Variants in ALCAM observed in about 807,000 individuals in gnomAD.
ALCAM encodes the protein activated leukocyte cell adhesion molecule.
ALCAM carries 30 observed loss-of-function variants against 70.9 expected under a neutral mutation model. The ratio of observed to expected loss-of-function variants is 0.42; its 90% CI spans 0.32 to 0.57. ALCAM has a LOEUF of 0.57. Among genes scored for constraint, ALCAM ranks in the 20% least tolerant of loss-of-function variants. The pLI, the probability that ALCAM is intolerant of heterozygous loss-of-function variation, is 0.11. For synonymous variants in ALCAM, 249 were observed against 242.5 expected, an observed-to-expected ratio of 1.03 and a Z score of -0.25; for missense variants, 591 against 695.1, an observed-to-expected ratio of 0.85 and a Z score of 1.68.
At chr3:105,517,791 A>G (rs1471266031) in intron 1 of ALCAM, among the ~76,000 whole-genome samples, 2 of 152,136 alleles carry the variant, frequency 1.3e-5, no homozygotes, top group Non-Finnish European at 2.9e-5. Flanking sequence ...GAGAATTCTC[A>G]AAATTCCAGT....
intron 14 of ALCAM, among the ~76,000 whole-genome samples, chr3:105,558,403 C>A (rs763003889): frequency 1.7e-4 from 26 of 152,024 alleles, no homozygotes; most frequent in Non-Finnish European, 2.6e-4. Context: ...ATATAAAATT[C>A]TATTATAGTA....
At chr3:105,431,696 A>G (rs1421980042) in intron 1 of ALCAM, among the ~76,000 whole-genome samples, 2 of 152,068 alleles carry the variant, frequency 1.3e-5, no homozygotes, top group Non-Finnish European at 2.9e-5. Context: ...TGCATTAACT[A>G]TACAAAGGAA....
intron 1 of ALCAM, among the ~76,000 whole-genome samples, chr3:105,505,763 G>A (rs1016035588): frequency 6.6e-6 from 1 of 152,142 alleles, no homozygotes; most frequent in African/African-American, 2.4e-5. Context: ...CAGATGTTTA[G>A]CATATATCTT....
rs1389865358 is a variant in ALCAM at position 105,574,233 on chromosome 3, G to GA, written c.*26-236dup. On this transcript the variant is annotated intron_variant, in intron 15 of 15. Transcript: ENST00000306107. The stretch of plus-strand genomic sequence containing the variant: ...GAGAAATGCAATGAAATATTTTCTT[G>GA]AAAAAAAACTTGTAATATTAGTATT... Among the ~76,000 whole-genome samples, 18 of 151,484 alleles carry GA rather than the reference G, an allele frequency of 1.2e-4. No individual in the cohort carries two copies. In the East Asian group the frequency reaches 2.9e-3, roughly 24 times the overall value.
intron 1 of ALCAM, among the ~76,000 whole-genome samples, chr3:105,415,144 T>G (rs1304754668): frequency 6.6e-6 from 1 of 152,116 alleles, no homozygotes; most frequent in African/African-American, 2.4e-5. Context: ...TTGATAGATG[T>G]CCATTTTCCC....
chr3:105,558,136 G>C (rs1030185195), intron 14 of ALCAM, among the ~76,000 whole-genome samples: 3 of 152,040 alleles, frequency 2.0e-5, no homozygotes, highest in Non-Finnish European at 4.4e-5. Context: ...TCAATGGCCG[G>C]TTTGCTGGAA....
intron 1 of ALCAM, among the ~76,000 whole-genome samples, chr3:105,388,952 G>T (rs901022771): frequency 2.6e-5 from 4 of 151,448 alleles, no homozygotes; most frequent in African/African-American, 9.7e-5. Context: ...CTTAAGTGGT[G>T]GGCAAGTAAA....
chr3:105,459,246 C>T (rs1003031285), intron 1 of ALCAM, among the ~76,000 whole-genome samples: 2 of 152,130 alleles, frequency 1.3e-5, no homozygotes, highest in African/African-American at 4.8e-5. Flanking sequence ...TTTTAAGACT[C>T]ATCTCCTCTG....
At chr3:105,498,427 G>GAGA (rs2152614792) in intron 1 of ALCAM, among the ~76,000 whole-genome samples, 1 of 152,258 alleles carries the variant, frequency 6.6e-6, no homozygotes, top group African/African-American at 2.4e-5. Flanking sequence ...ACACTACATA[G>GAGA]AGAAGAATAA....
At chr3:105,568,333 C>G (rs947165771) in intron 14 of ALCAM, among the ~76,000 whole-genome samples, 1 of 152,066 alleles carries the variant, frequency 6.6e-6, no homozygotes, top group Non-Finnish European at 1.5e-5. Flanking sequence ...TCAAGTGATC[C>G]ACCCACCTTT....
At chr3:105,561,670 G>A (rs920710272) in intron 14 of ALCAM, among the ~76,000 whole-genome samples, 1 of 152,098 alleles carries the variant, frequency 6.6e-6, no homozygotes, top group South Asian at 2.1e-4. Flanking sequence ...GACACCAAAT[G>A]CAAGTTTTGG....
intron 8 of ALCAM, among the ~76,000 whole-genome samples, chr3:105,544,056 G>A (rs995278977): frequency 6.6e-6 from 1 of 151,598 alleles, no homozygotes; most frequent in Non-Finnish European, 1.5e-5. Context: ...TCAACAAGTT[G>A]CAATTATGAC....
At chr3:105,492,107 G>A (rs1205886368) in intron 1 of ALCAM, among the ~76,000 whole-genome samples, 2 of 152,164 alleles carry the variant, frequency 1.3e-5, no homozygotes, top group African/African-American at 4.8e-5. Flanking sequence ...AGAAGGGGAA[G>A]CAAACATGTC....
chr3:105,481,240 C>G (rs1938262906), intron 1 of ALCAM, among the ~76,000 whole-genome samples: 1 of 152,000 alleles, frequency 6.6e-6, no homozygotes, highest in Admixed American at 6.6e-5. Context: ...CTATATAAGA[C>G]ACATACAAAT....
chr3:105,487,157 A>G (rs1165120376), intron 1 of ALCAM, among the ~76,000 whole-genome samples: 2 of 151,982 alleles, frequency 1.3e-5, no homozygotes, highest in Non-Finnish European at 2.9e-5. Context: ...TTTTTTAAAA[A>G]AACTAACCAT....
intron 1 of ALCAM, among the ~76,000 whole-genome samples, chr3:105,368,164 T>C (rs1935120018): frequency 6.9e-6 from 1 of 144,814 alleles, no homozygotes; most frequent in Non-Finnish European, 1.5e-5. Flanking sequence ...GTGAGAGGTT[T>C]GTGAATTTCC....
chr3:105,486,011 T>G (rs1391545026), intron 1 of ALCAM, among the ~76,000 whole-genome samples: 1 of 152,092 alleles, frequency 6.6e-6, no homozygotes, highest in Non-Finnish European at 1.5e-5. Flanking sequence ...TCAGATTTCT[T>G]CATAGAAAGT....
intron 2 of ALCAM, among the ~76,000 whole-genome samples, chr3:105,522,075 C>G (rs1222609048): frequency 6.6e-6 from 1 of 152,090 alleles, no homozygotes; most frequent in Non-Finnish European, 1.5e-5. Context: ...CTAACTATAA[C>G]CCAGGGAGTA....
intron 12 of ALCAM, among the ~76,000 whole-genome samples, chr3:105,551,267 A>G (rs1940398111): frequency 6.6e-6 from 1 of 151,736 alleles, no homozygotes; most frequent in South Asian, 2.1e-4. Flanking sequence ...CAATTCAGTG[A>G]GTATTGATTT....
Sources: gnomAD v4.1 joint callset for allele counts (sites outside exome capture counted in the v4.1 genomes callset) on GRCh38, gnomAD v4.1.1 for gene constraint, MANE v1.5 for transcripts, NCBI Gene and HGNC (gene_info 2026-07-23, HGNC 2026-07-21) for gene names.